Variants in IGSF9B observed in about 807,000 individuals in gnomAD.
IGSF9B encodes immunoglobulin superfamily member 9B, also known as protein turtle homolog B.
Under a neutral mutation model 143.7 loss-of-function variants are expected in IGSF9B, and 48 were observed. The observed-to-expected ratio is 0.33, with a 90% CI of 0.26 to 0.42. IGSF9B has a LOEUF of 0.42. Among genes scored for constraint, IGSF9B ranks in the 20% least tolerant of loss-of-function variants. The pLI is 1.00. For missense variants in IGSF9B, 1,706 were observed against 1,980.0 expected, an observed-to-expected ratio of 0.86 and a Z score of 2.63; for synonymous variants, 903 against 833.1, an observed-to-expected ratio of 1.08 and a Z score of -1.44.
rs1939189115 is a variant in IGSF9B, at chr11:133,904,853, TC to T, written c.*4215del. 6.6e-6 allele frequency among the ~76,000 whole-genome samples: 1 copy of T among 150,628 alleles called. No homozygotes were observed. Among genetic ancestry groups the T allele is most frequent in the African/African-American group, 2.4e-5 (1 of 40,822 alleles). ...CCCCTCCTGAAACACCAGTGCCCCA[TC>T]CATTACCCTAGTCAATCTAGAGCTG... On this transcript the variant is annotated 3_prime_UTR_variant, in exon 20 of 20. Coordinates refer to ENST00000533871, the MANE Select transcript of IGSF9B (RefSeq NM_001277285.4).
chr11:133,936,274 G>T, intron 5 of IGSF9B, 80 bp from the exon 6 acceptor site: 2 of 1,336,418 alleles, frequency 1.5e-6, no homozygotes, highest in Non-Finnish European at 2.1e-6. Flanking sequence ...AGCCCTCAGT[G>T]CCTCAGGAAG....
chr11:133,919,118 C>CGGGGGGGGTGGGG, intron 18 of IGSF9B: 1 of 66,602 alleles, frequency 1.5e-5, no homozygotes, highest in Non-Finnish European at 3.2e-5. Context: ...GCGAGGTATA[C>CGGGGGGGGTGGGG]GGGGGGGGGG....
At position 133,897,986 on chromosome 11, in the gene IGSF9B, C is replaced by G. The variant is rs527925611; in HGVS notation, c.*11083G>C. ...CCCCTAAGTCACCCACCCCAAACCCCTAGGGAAAAATCAGAAAGAAGACAA... is the reference window on the plus strand; with the variant it reads ...CCCCTAAGTCACCCACCCCAAACCCGTAGGGAAAAATCAGAAAGAAGACAA... On this transcript the variant is annotated 3_prime_UTR_variant, in exon 20 of 20. Coordinates refer to ENST00000533871, the MANE Select transcript of IGSF9B (RefSeq NM_001277285.4). 6.6e-6 allele frequency: 1 copy of G among 152,298 alleles called. No homozygotes were observed. The highest frequency in any genetic ancestry group is 2.1e-4 in the South Asian group (1 of 4,816). The allele number at this position is 152,298 out of a possible 1,614,324, so 9.4% of individuals were successfully genotyped here.
In IGSF9B at chr11:133,897,346, TCTC is replaced by T. The variant is rs1939036593; in HGVS notation, c.*11720_*11722del. 1 of 152,018 alleles carries T rather than the reference TCTC, an allele frequency of 6.6e-6. No homozygotes were observed. The highest frequency in any genetic ancestry group is 1.5e-5 in the Non-Finnish European group (1 of 67,976). 9.4% of individuals were successfully genotyped at this position (152,018 alleles called of 1,614,324 possible). A position where few individuals can be genotyped will look rare whatever the true frequency, so the allele number is the denominator to read the frequency against. ...CCTGTGAGCTCTCTCCCGCTCTCAC[TCTC>T]TTGCGTGCACACACGCACACGCACA... On this transcript the variant is annotated 3_prime_UTR_variant, in exon 20 of 20. Coordinates refer to ENST00000533871, the MANE Select transcript of IGSF9B (RefSeq NM_001277285.4).
rs1363280916 is a variant in IGSF9B at position 133,945,513 on chromosome 11, G to A, written c.262+548C>T. Among the ~76,000 whole-genome samples the A allele has an allele frequency of 1.3e-5, 2 of 152,168 alleles. No individual in the cohort carries two copies. Among genetic ancestry groups the A allele is most frequent in the East Asian group, 1.9e-4 (1 of 5,174 alleles). ...GCCCTCCTCTCCCGCGGGCTGGGGGGCAGGCAGCGGCAGTGAGTCACGAGG... is the reference window on the plus strand; with the variant it reads ...GCCCTCCTCTCCCGCGGGCTGGGGGACAGGCAGCGGCAGTGAGTCACGAGG... On this transcript the variant is annotated intron_variant, in intron 2 of 19. Transcript: ENST00000533871. This position sits in a 1 kb window ranked among gnomAD's most constrained non-coding sequence, Gnocchi z 4.6.
intron 2 of IGSF9B, among the ~76,000 whole-genome samples, chr11:133,944,782 A>G (rs2121336661): frequency 6.6e-6 from 1 of 152,308 alleles, no homozygotes; most frequent in East Asian, 1.9e-4. Context: ...CGCACCCGGG[A>G]GCACCTCCAT....
At position 133,906,163 on chromosome 11, in the gene IGSF9B, A is replaced by G. The variant is rs933047185; in HGVS notation, c.*2906T>C. Among the ~76,000 whole-genome samples, 5 of 152,246 alleles carry G rather than the reference A, an allele frequency of 3.3e-5. No homozygotes were observed. In the South Asian group the frequency reaches 1.0e-3, roughly 31 times the overall value. On this transcript the variant is annotated 3_prime_UTR_variant, in exon 20 of 20. Coordinates refer to ENST00000533871, the MANE Select transcript of IGSF9B (RefSeq NM_001277285.4). Reference sequence around the variant, plus strand: ...AAGAAGCTGATCAGTAGTCACTGCCATTGTTCAAAGGCAGACTATGAAGGA... The same window carrying G: ...AAGAAGCTGATCAGTAGTCACTGCCGTTGTTCAAAGGCAGACTATGAAGGA...
intron 18 of IGSF9B, chr11:133,919,095 T>TCTGCAGCTTC (rs1186913277): frequency 8.7e-6 from 3 of 345,126 alleles, no homozygotes; most frequent in South Asian, 5.6e-5. Context: ...GGTCTGTCTC[T>TCTGCAGCTTC]CTGCAGCTTC....
chr11:133,952,484 C>T lies in IGSF9B; in HGVS notation c.64+4207G>A, dbSNP rs138010134. ...AGGGCTGCAGCACGGAGAGGAGTGG[C>T]CCCCACCTCGTGTCTGCACACTAAC... is the stretch of plus-strand genomic sequence containing the variant. On this transcript the variant is annotated intron_variant, in intron 1 of 19. Transcript: ENST00000533871. Among the ~76,000 whole-genome samples the T allele has an allele frequency of 4.7e-3, 715 of 152,276 alleles. 5 individuals are homozygous for T. Among genetic ancestry groups the T allele is most frequent in the Non-Finnish European group, 6.9e-3 (469 of 67,996 alleles).
intron 16 of IGSF9B, 51 bp from the exon 17 acceptor site, chr11:133,922,273 G>T: frequency 7.3e-7 from 1 of 1,367,072 alleles, no homozygotes; most frequent in African/African-American, 1.5e-5. Flanking sequence ...CAGCAACCAC[G>T]CAGCACGCGC....
intron 3 of IGSF9B, among the ~76,000 whole-genome samples, chr11:133,943,776 G>A (rs746687735): frequency 1.1e-4 from 17 of 152,120 alleles, no homozygotes; most frequent in Non-Finnish European, 2.2e-4. Flanking sequence ...CTAATCAAAC[G>A]AATACAGTTA....
chr11:133,919,207 G>A, intron 18 of IGSF9B: 2 of 382,896 alleles, frequency 5.2e-6, no homozygotes, highest in South Asian at 3.9e-5. Context: ...GAGGGGGCTG[G>A]AGTCCGGCGC....
At chr11:133,950,565 C>T (rs886203049) in intron 1 of IGSF9B, among the ~76,000 whole-genome samples, 2 of 152,362 alleles carry the variant, frequency 1.3e-5, no homozygotes, top group South Asian at 2.1e-4. Flanking sequence ...CCAACCCAGG[C>T]GCCGGGATCA....
rs961455989 is a variant in IGSF9B, at chr11:133,931,239, G to A, written c.1369-105C>T. 3.2e-5 allele frequency: 38 copies of A among 1,204,514 alleles called. No homozygotes were observed. Among genetic ancestry groups the A allele is most frequent in the Admixed American group, 6.1e-5 (3 of 48,910 alleles). The allele number at this position is 1,204,514 out of a possible 1,614,324, so 74.6% of individuals were successfully genotyped here. A position where few individuals can be genotyped will look rare whatever the true frequency, so the allele number is the denominator to read the frequency against. On this transcript the variant is annotated intron_variant, in intron 10 of 19. Transcript: ENST00000533871. This position sits in a 1 kb window ranked among gnomAD's most constrained non-coding sequence, Gnocchi z 7.7. ...GCGCCTGAGACCCCGGCCCGCCCAC[G>A]CTGCCCTCCTCCCGAGTGCCTGCCG... is the stretch of plus-strand genomic sequence containing the variant.
rs199890945 is a variant in IGSF9B, at chr11:133,922,706, G to C, written c.2144C>G (p.Thr715Ser). The C allele has an allele frequency of 6.2e-4, 978 of 1,579,286 alleles. No individual in the cohort carries two copies. Among genetic ancestry groups the C allele is most frequent in the Non-Finnish European group, 8.0e-4 (937 of 1,164,270 alleles). Residue 715 changes from threonine (T) to serine (S), a missense_variant, in exon 16 of 20, where the codon ACC (threonine) becomes AGC (serine). Physicochemically the swap from Thr to Ser is moderately conservative, Grantham distance 58. Around this residue, in one of 7 missense-constraint regions of IGSF9B, gnomAD observed 267 missense variants for 321.1 expected, o/e 0.83. Transcript: ENST00000533871. Reference protein sequence around the residue: ...STDIFPQPDLTEDGLARPVLA... With the variant: ...STDIFPQPDLSEDGLARPVLA... ...CACAGGCCGCGCCAGCCCATCCTCG[G>C]TCAGGTCCGGCTGCGGGAAGATGTC...
chr11:133,921,334 G>A lies in IGSF9B; in HGVS notation c.2391C>T (p.Ser797=), dbSNP rs371377725. ...TGGCCGCGGGCTGGCCCTGGTCGTC[G>A]GAGGATTCTGACGGCGCTCGGAGCG... ...IRTLRAPSES[S]DDQGQPAAKR... is the part of the protein sequence containing the mutation. The change falls in exon 18 of 20, where the codon TCC becomes TCT. Residue 797 remains serine, a synonymous_variant. Transcript: ENST00000533871. 81 of 1,590,640 alleles carry A rather than the reference G, an allele frequency of 5.1e-5. No homozygotes were observed. Among genetic ancestry groups the A allele is most frequent in the Non-Finnish European group, 6.0e-5 (70 of 1,167,340 alleles).
Position 133,922,625 on chromosome 11 carries a change from G to C in IGSF9B, c.2225C>G (p.Thr742Ser), listed in dbSNP as rs1171640888. ...CFLAAAILFS[T>S]LAACFVNKQR... is the part of the protein sequence containing the mutation. ...CTTGTTGACAAAGCAGGCAGCCAGG[G>C]TGCTGAACAGGATGGCAGCTGCCAA... The change falls in exon 16 of 20, where the codon ACC (threonine) becomes AGC (serine). Residue 742 changes from threonine to serine, a missense_variant. Physicochemically the swap from Thr to Ser is moderately conservative, Grantham distance 58 (BLOSUM62 1). Transcript: ENST00000533871. 10 of 1,607,232 alleles carry C rather than the reference G, an allele frequency of 6.2e-6. No individual in the cohort carries two copies. The highest frequency in any genetic ancestry group is 1.3e-5 in the African/African-American group (1 of 74,858).
rs372219494 is a variant in IGSF9B at position 133,952,804 on chromosome 11, T to C, written c.64+3887A>G. ...ACACACATGTGCACATGTATGCATG[T>C]GCACACACACACACTTCTGGACAGC... On this transcript the variant is annotated intron_variant, in intron 1 of 19. Transcript: ENST00000533871. Among the ~76,000 whole-genome samples the C allele has an allele frequency of 1.7e-4, 26 of 152,184 alleles. No individual in the cohort carries two copies. In the East Asian group the frequency reaches 4.1e-3, roughly 24 times the overall value.
intron 1 of IGSF9B, among the ~76,000 whole-genome samples, chr11:133,954,733 C>T (rs1940219633): frequency 6.6e-6 from 1 of 152,150 alleles, no homozygotes; most frequent in Admixed American, 6.5e-5. Context: ...AGTCATATGG[C>T]TCTAGACCTA....
Sources: gnomAD v4.1 joint callset for allele counts (sites outside exome capture counted in the v4.1 genomes callset) on GRCh38, gnomAD v4.1.1 for gene constraint, gnomAD v4.1.1 regional missense constraint, Gnocchi (gnomAD v3.1) non-coding constraint, MANE v1.5 for transcripts, NCBI Gene and HGNC (gene_info 2026-07-23, HGNC 2026-07-21) for gene names.